MAST2: variants seen among roughly 807,000 people sequenced by gnomAD.
The protein encoded by MAST2 is microtubule associated serine/threonine kinase 2.
MAST2 carries 70 observed loss-of-function variants against 147.4 expected under a neutral mutation model. The ratio of observed to expected loss-of-function variants is 0.47; its 90% CI spans 0.39 to 0.58. The LOEUF is 0.58. MAST2 is among the 20% of genes least tolerant of loss of function. The pLI is 0.00. For synonymous variants in MAST2, 869 were observed against 896.8 expected, an observed-to-expected ratio of 0.97 and a Z score of 0.55; for missense variants, 2,080 against 2,302.3, an observed-to-expected ratio of 0.90 and a Z score of 1.98.
At chr1:45,955,571 A>G (rs1475918473) in intron 4 of MAST2, among the ~76,000 whole-genome samples, 3 of 152,146 alleles carry the variant, frequency 2.0e-5, no homozygotes, top group South Asian at 4.1e-4. Flanking sequence ...TTTAAATAGA[A>G]TGATCGGGGA....
chr1:45,905,341 C>T (rs1650512637), intron 4 of MAST2, among the ~76,000 whole-genome samples: 1 of 151,962 alleles, frequency 6.6e-6, no homozygotes, highest in African/African-American at 2.4e-5. Context: ...TGCGCCACCG[C>T]ATCTGGCTAA....
chr1:45,985,964 A>T (rs1644597970), intron 5 of MAST2, among the ~76,000 whole-genome samples: 1 of 152,154 alleles, frequency 6.6e-6, no homozygotes, highest in Admixed American at 6.6e-5. Flanking sequence ...TAACTCTCTT[A>T]TTCCAGTAGC....
chr1:45,963,873 A>C (rs1330519665), intron 5 of MAST2, among the ~76,000 whole-genome samples: 3 of 152,198 alleles, frequency 2.0e-5, no homozygotes, highest in Non-Finnish European at 2.9e-5. Context: ...GTTTTTGCCC[A>C]TTCAAAACTG....
At chr1:45,863,239 C>T (rs1280883489) in intron 3 of MAST2, among the ~76,000 whole-genome samples, 1 of 152,188 alleles carries the variant, frequency 6.6e-6, no homozygotes, top group African/African-American at 2.4e-5. Context: ...TCTGCTGATA[C>T]ATATGTTTTA....
chr1:45,825,743 G>T (rs1168128590), intron 2 of MAST2, among the ~76,000 whole-genome samples: 1 of 151,750 alleles, frequency 6.6e-6, no homozygotes, highest in Non-Finnish European at 1.5e-5. Flanking sequence ...TGCCTGGGAT[G>T]TGATTATCTT....
chr1:45,913,863 C>A (rs902907167), intron 4 of MAST2: 4 of 1,243,996 alleles, frequency 3.2e-6, no homozygotes, highest in Admixed American at 2.8e-5. Context: ...ACTGGGAGCA[C>A]CATGTCTGCG....
chr1:45,959,910 A>T (rs1039136120), intron 5 of MAST2, among the ~76,000 whole-genome samples: 1 of 152,160 alleles, frequency 6.6e-6, no homozygotes, highest in Non-Finnish European at 1.5e-5. Context: ...ATTAGGAGAT[A>T]ACAAAAGCAA....
At chr1:45,940,841 G>A (rs928418351) in intron 4 of MAST2, among the ~76,000 whole-genome samples, 13 of 152,026 alleles carry the variant, frequency 8.6e-5, no homozygotes, top group Admixed American at 2.6e-4. Flanking sequence ...GGATGGCCTC[G>A]ATCTCCTGAC....
chr1:45,954,756 G>A (rs1201966476), intron 4 of MAST2, among the ~76,000 whole-genome samples: 2 of 152,010 alleles, frequency 1.3e-5, no homozygotes, highest in Non-Finnish European at 2.9e-5. Context: ...TTTTTCCCCT[G>A]GCAGCTGTTA....
In MAST2 at chr1:45,841,237, G is replaced by A. The variant is rs78894545; in HGVS notation, c.468+11656G>A. On this transcript the variant is annotated intron_variant, in intron 3 of 28. Transcript: ENST00000361297. Reference sequence around the variant, plus strand: ...TGCCTCCCAGAGTGCTGGAATTACAGGGGTGAGCCACCGCACCTGGCAAAT... The same window carrying A: ...TGCCTCCCAGAGTGCTGGAATTACAAGGGTGAGCCACCGCACCTGGCAAAT... Among the ~76,000 whole-genome samples, 1,010 of 152,176 alleles carry A rather than the reference G, an allele frequency of 6.6e-3. 12 individuals are homozygous for A. Among genetic ancestry groups the A allele is most frequent in the African/African-American group, 0.023 (974 of 41,522 alleles).
chr1:45,824,418 T>C lies in MAST2; in HGVS notation c.178-15T>C. ...GATATTAAAGACTCATGTTTTACTCTTTTTCTCTTTGAAGGATGTAGTAAC... is the reference window on the plus strand; with the variant it reads ...GATATTAAAGACTCATGTTTTACTCCTTTTCTCTTTGAAGGATGTAGTAAC... On this transcript the variant is annotated splice_polypyrimidine_tract_variant and intron_variant, in intron 1 of 28. Coordinates refer to ENST00000361297, the MANE Select transcript of MAST2 (RefSeq NM_015112.3). 6.3e-7 allele frequency: 1 copy of C among 1,577,996 alleles called. No individual in the cohort carries two copies. The highest frequency in any genetic ancestry group is 8.6e-7 in the Non-Finnish European group (1 of 1,158,526).
chr1:45,865,070 G>A (rs1646099543), intron 3 of MAST2: 1 of 455,968 alleles, frequency 2.2e-6, no homozygotes, highest in Non-Finnish European at 4.4e-6. Flanking sequence ...TGACTGTCTG[G>A]GGAGTGGCTT....
chr1:46,008,750 G>GAGTGA (rs1645592808), intron 9 of MAST2, among the ~76,000 whole-genome samples: 1 of 152,200 alleles, frequency 6.6e-6, no homozygotes, highest in African/African-American at 2.4e-5. Flanking sequence ...CTCATTACAG[G>GAGTGA]ATTTGCCCTC....
At chr1:45,825,506 C>G (rs1644764295) in intron 2 of MAST2, among the ~76,000 whole-genome samples, 2 of 151,482 alleles carry the variant, frequency 1.3e-5, no homozygotes. Flanking sequence ...GATGTCTGCT[C>G]ACTGCAACCT....
intron 11 of MAST2, among the ~76,000 whole-genome samples, 183 bp from the exon 12 acceptor site, chr1:46,021,767 A>G (rs1646192415): frequency 6.6e-6 from 1 of 152,248 alleles, no homozygotes. Context: ...GTGACCTGTA[A>G]GACATCTTTG....
intron 5 of MAST2, among the ~76,000 whole-genome samples, chr1:45,991,466 A>G (rs1475177947): frequency 6.6e-6 from 1 of 152,206 alleles, no homozygotes; most frequent in Admixed American, 6.5e-5. Flanking sequence ...CCGTAGATCA[A>G]ATTGCTTATA....
At chr1:46,032,784 G>A in intron 26 of MAST2, 66 bp downstream of exon 26, 4 of 1,571,144 alleles carry the variant, frequency 2.5e-6, no homozygotes, top group Middle Eastern at 1.8e-4. Flanking sequence ...TGTGATGGCA[G>A]TTAGGGGAGT....
intron 4 of MAST2, among the ~76,000 whole-genome samples, chr1:45,943,455 G>A (rs1657601256): frequency 6.6e-6 from 1 of 152,194 alleles, no homozygotes; most frequent in African/African-American, 2.4e-5. Flanking sequence ...GACACTGTTG[G>A]TCACAAGATG....
chr1:45,938,784 T>C (rs1656675678), intron 4 of MAST2, among the ~76,000 whole-genome samples: 1 of 152,232 alleles, frequency 6.6e-6, no homozygotes, highest in Non-Finnish European at 1.5e-5. Context: ...ACTGTGGTTT[T>C]AATTTACATT....
Sources: allele counts gnomAD v4.1 joint callset (sites outside exome capture counted in the v4.1 genomes callset), GRCh38; gene constraint gnomAD v4.1.1; transcripts MANE v1.5; gene names NCBI Gene and HGNC (gene_info 2026-07-23, HGNC 2026-07-21).